Variants in CENPU observed in about 807,000 individuals in gnomAD.
The protein encoded by CENPU is KSHV latent nuclear antigen interacting protein 1.
Under a neutral mutation model 56.7 loss-of-function variants are expected in CENPU, and 46 were observed. That is an observed-to-expected ratio of 0.81 (90% CI 0.64 to 1.04). CENPU has a LOEUF of 1.04. CENPU is among the 50% of genes least tolerant of loss of function. The pLI is 0.00. For missense variants in CENPU, 510 were observed against 490.1 expected, an observed-to-expected ratio of 1.04 and a Z score of -0.38; for synonymous variants, 166 against 163.0, an observed-to-expected ratio of 1.02 and a Z score of -0.14.
intron 1 of CENPU, among the ~76,000 whole-genome samples, 184 bp downstream of exon 1, chr4:184,733,832 G>C (rs938357247): frequency 2.6e-5 from 4 of 152,188 alleles, no homozygotes; most frequent in Non-Finnish European, 4.4e-5. Flanking sequence ...CGACAGGCCC[G>C]TGCAGGTGGG....
chr4:184,702,522 T>C (rs1760570145), intron 8 of CENPU, 81 bp from the exon 9 acceptor site: 1 of 929,814 alleles, frequency 1.1e-6, no homozygotes, highest in Non-Finnish European at 1.6e-6. Flanking sequence ...CAAACAAACA[T>C]ACACATACAA....
intron 8 of CENPU, among the ~76,000 whole-genome samples, chr4:184,707,261 G>A (rs1561132376): frequency 6.6e-6 from 1 of 151,070 alleles, no homozygotes; most frequent in African/African-American, 2.5e-5. Flanking sequence ...AATAACTGCT[G>A]TAAGGAGTGG....
chr4:184,714,122 G>C (rs546403952), intron 6 of CENPU, among the ~76,000 whole-genome samples: 2 of 152,276 alleles, frequency 1.3e-5, no homozygotes, highest in South Asian at 2.1e-4. Flanking sequence ...ATGGTATAAA[G>C]AGCTGGGAAA....
intron 4 of CENPU, among the ~76,000 whole-genome samples, 159 bp downstream of exon 4, chr4:184,724,795 AATT>A (rs1213239147): frequency 8.5e-5 from 13 of 152,232 alleles, no homozygotes; most frequent in African/African-American, 3.1e-4. Flanking sequence ...TTATCGTGTC[AATT>A]ATTAATAAAG....
chr4:184,734,004 G>A lies in CENPU; in HGVS notation c.47+12C>T, dbSNP rs200613042. On this transcript the variant is annotated intron_variant, in intron 1 of 12. Coordinates refer to ENST00000281453, the MANE Select transcript of CENPU (RefSeq NM_024629.4). Reference sequence around the variant, plus strand: ...CTCCGGCCCCGCGCTCCCGAGGGTCGGCAGTACTTACCCCTCAGACCTGTG... The same window carrying A: ...CTCCGGCCCCGCGCTCCCGAGGGTCAGCAGTACTTACCCCTCAGACCTGTG... The A allele has an allele frequency of 8.4e-5, 135 of 1,609,392 alleles. No homozygotes were observed. In the East Asian group the frequency reaches 2.6e-3, roughly 31 times the overall value.
Position 184,730,920 on chromosome 4 carries a change from A to T in CENPU, c.96T>A (p.Asp32Glu), listed in dbSNP as rs747846052. Residue 32 changes from aspartate (D) to glutamate (E), a missense_variant and splice_region_variant, in exon 2 of 13, where the codon GAT (aspartate) becomes GAA (glutamate). By Grantham distance (45) the Asp-to-Glu change is conservative. Transcript: ENST00000281453. The part of the protein sequence containing the change: ...NTLERTHSMK[D>E]KAGQKCKPID... ...ACCACAACACAAAAAGGTAACTTAC[A>T]TCTTTCATGGAATGTGTTCTTTCTA... 6 of 1,579,108 alleles carry T rather than the reference A, an allele frequency of 3.8e-6. No homozygotes were observed. The highest frequency in any genetic ancestry group is 2.0e-5 in the Admixed American group (1 of 49,122).
intron 4 of CENPU, among the ~76,000 whole-genome samples, chr4:184,721,236 C>G (rs1221077425): frequency 6.6e-6 from 1 of 151,704 alleles, no homozygotes; most frequent in African/African-American, 2.4e-5. Context: ...ATGGTAACCT[C>G]AAATAATAAA....
intron 8 of CENPU, among the ~76,000 whole-genome samples, chr4:184,704,717 G>A (rs1404156096): frequency 1.3e-5 from 2 of 152,140 alleles, no homozygotes; most frequent in African/African-American, 4.8e-5. Flanking sequence ...CCACTCATAT[G>A]AGGTACCCAG....
intron 4 of CENPU, among the ~76,000 whole-genome samples, chr4:184,718,036 G>C (rs950725560): frequency 2.0e-5 from 3 of 152,206 alleles, no homozygotes; most frequent in African/African-American, 7.2e-5. Flanking sequence ...GGCTATGACT[G>C]ACGGGCTGCA....
chr4:184,728,862 TG>T, intron 3 of CENPU, 55 bp downstream of exon 3: 1 of 1,229,022 alleles, frequency 8.1e-7, no homozygotes, highest in Non-Finnish European at 1.2e-6. Flanking sequence ...TTATTATATC[TG>T]GCCTAAATGT....
chr4:184,713,167 G>T (rs1388286744), intron 6 of CENPU, among the ~76,000 whole-genome samples, 154 bp from the exon 7 acceptor site: 1 of 152,158 alleles, frequency 6.6e-6, no homozygotes, highest in African/African-American at 2.4e-5. Context: ...GAGGCGGGCA[G>T]ATCACTTGAG....
chr4:184,723,875 A>G (rs773254246), intron 4 of CENPU, among the ~76,000 whole-genome samples: 17 of 146,416 alleles, frequency 1.2e-4, no homozygotes, highest in Non-Finnish European at 2.2e-4. Context: ...AATAAGCTGG[A>G]GTCTCCAAAA....
intron 8 of CENPU, among the ~76,000 whole-genome samples, chr4:184,705,557 A>ATC (rs1355063104): frequency 6.7e-6 from 1 of 150,008 alleles, no homozygotes; most frequent in Non-Finnish European, 1.5e-5. Flanking sequence ...TTCTACAATT[A>ATC]TCTCAAAAGA....
chr4:184,712,541 CTG>C (rs1409768675), intron 7 of CENPU, among the ~76,000 whole-genome samples: 7 of 152,176 alleles, frequency 4.6e-5, no homozygotes, highest in Admixed American at 4.6e-4. Context: ...AAAGAAAAAA[CTG>C]TAAACACACA....
intron 4 of CENPU, among the ~76,000 whole-genome samples, chr4:184,719,670 G>A (rs1761209373): frequency 6.6e-6 from 1 of 152,172 alleles, no homozygotes; most frequent in Non-Finnish European, 1.5e-5. Flanking sequence ...GTGTGGCTAA[G>A]GGTGTACTGG....
intron 6 of CENPU, among the ~76,000 whole-genome samples, chr4:184,714,118 T>C (rs1761013523): frequency 6.6e-6 from 1 of 152,100 alleles, no homozygotes; most frequent in Non-Finnish European, 1.5e-5. Context: ...CAGAATGGTA[T>C]AAAGAGCTGG....
chr4:184,724,846 A>C, intron 4 of CENPU, 111 bp downstream of exon 4: 1 of 653,456 alleles, frequency 1.5e-6, no homozygotes, highest in African/African-American at 1.8e-5. Context: ...AAGCATAACA[A>C]GTTGGCTCAA....
chr4:184,719,650 A>AAGGGTGTGGCTAAGGGTGTACTGG (rs1761208282), intron 4 of CENPU, among the ~76,000 whole-genome samples: 1 of 152,124 alleles, frequency 6.6e-6, no homozygotes, highest in African/African-American at 2.4e-5. Flanking sequence ...ACCTACTGAG[A>AAGGGTGTGGCTAAGGGTGTACTGG]CACCAACTGG....
At chr4:184,701,258 T>C (rs1163017632) in intron 10 of CENPU, among the ~76,000 whole-genome samples, 2 of 152,194 alleles carry the variant, frequency 1.3e-5, no homozygotes, top group Non-Finnish European at 2.9e-5. Flanking sequence ...AAAAGAAATA[T>C]TTCATATTTT....
Sources: gnomAD v4.1 joint callset for allele counts (sites outside exome capture counted in the v4.1 genomes callset) on GRCh38, gnomAD v4.1.1 for gene constraint, MANE v1.5 for transcripts, NCBI Gene and HGNC (gene_info 2026-07-23, HGNC 2026-07-21) for gene names.